The following AUTS2 variants were observed in gnomAD, a reference collection of about 807,000 sequenced individuals.
AUTS2 encodes activator of transcription and developmental regulator AUTS2, also known as autism susceptibility gene 2 protein.
Under a neutral mutation model 112.4 loss-of-function variants are expected in AUTS2, and 17 were observed. That is an observed-to-expected ratio of 0.15 (90% CI 0.10 to 0.23). The LOEUF (loss-of-function observed/expected upper bound fraction) is 0.23. Ranked by LOEUF, AUTS2 falls within the 10% of genes least tolerant of loss-of-function variation. The probability of loss-of-function intolerance (pLI) is 1.00; values close to 1 mark genes in which losing one functional copy is unlikely to be tolerated. For missense variants in AUTS2, 1,510 were observed against 1,701.6 expected, an observed-to-expected ratio of 0.89 and a Z score of 1.98; for synonymous variants, 751 against 702.7, an observed-to-expected ratio of 1.07 and a Z score of -1.09.
intron 5 of AUTS2, among the ~76,000 whole-genome samples, chr7:70,471,296 GA>G (rs746539207): frequency 1.7e-4 from 25 of 151,452 alleles, no homozygotes; most frequent in African/African-American, 4.8e-4. Flanking sequence ...AAGAAAAGGG[GA>G]AAAAAAAGGC....
chr7:69,677,907 G>T (rs1460385921), intron 1 of AUTS2, among the ~76,000 whole-genome samples: 1 of 152,174 alleles, frequency 6.6e-6, no homozygotes, highest in African/African-American at 2.4e-5. Context: ...AATGGGCTGA[G>T]ATTCTATTTT....
intron 1 of AUTS2, among the ~76,000 whole-genome samples, chr7:69,855,477 G>C (rs1286567142): frequency 6.6e-6 from 1 of 152,086 alleles, no homozygotes; most frequent in Non-Finnish European, 1.5e-5. Context: ...CCTTGTTACT[G>C]TATCCTCTGG....
rs561082959 is a variant in AUTS2, at chr7:70,709,076, C to T, written c.742+10456C>T. ...GGGATTACAGGTGCCCGCCACCACG[C>T]CTCGCTAATTTTTTGTATTTGTAGT... On this transcript the variant is annotated intron_variant, in intron 6 of 18. Transcript: ENST00000342771. Among the ~76,000 whole-genome samples, 9 of 151,974 alleles carry T rather than the reference C, an allele frequency of 5.9e-5. No individual in the cohort carries two copies. The South Asian group carries it at 1.7e-3, about 28-fold the overall frequency.
At chr7:69,978,772 G>C (rs896407974) in intron 2 of AUTS2, among the ~76,000 whole-genome samples, 1 of 151,822 alleles carries the variant, frequency 6.6e-6, no homozygotes, top group Non-Finnish European at 1.5e-5. Context: ...CATGAGCTCA[G>C]GAGATTGAGG....
At chr7:70,172,162 C>T (rs1024085455) in intron 4 of AUTS2, among the ~76,000 whole-genome samples, 3 of 152,134 alleles carry the variant, frequency 2.0e-5, no homozygotes, top group African/African-American at 7.2e-5. Flanking sequence ...TGCAAACTTC[C>T]TATATGGCCA....
chr7:70,490,438 G>T (rs775211512), intron 5 of AUTS2, among the ~76,000 whole-genome samples: 8 of 151,860 alleles, frequency 5.3e-5, no homozygotes, highest in Non-Finnish European at 1.0e-4. Context: ...GGGTTTGTGG[G>T]GTGGAGAGAA....
chr7:69,952,407 T>C (rs972346201), intron 2 of AUTS2, among the ~76,000 whole-genome samples: 1 of 152,148 alleles, frequency 6.6e-6, no homozygotes, highest in Admixed American at 6.6e-5. Flanking sequence ...GTTTGGGCAA[T>C]TTTGAGGGAG....
intron 2 of AUTS2, among the ~76,000 whole-genome samples, chr7:70,065,731 G>A (rs1194889382): frequency 6.6e-6 from 1 of 151,876 alleles, no homozygotes; most frequent in African/African-American, 2.4e-5. Context: ...TTTTTAATAG[G>A]GTCCCACCCT....
At chr7:70,232,016 G>T (rs556180745) in intron 4 of AUTS2, among the ~76,000 whole-genome samples, 30 of 151,890 alleles carry the variant, frequency 2.0e-4, no homozygotes, top group Non-Finnish European at 4.0e-4. Flanking sequence ...CTCATGATCC[G>T]CCCACCTCAG....
intron 4 of AUTS2, among the ~76,000 whole-genome samples, chr7:70,250,824 A>G (rs1786552397): frequency 6.6e-6 from 1 of 152,220 alleles, no homozygotes; most frequent in South Asian, 2.1e-4. Flanking sequence ...AACAACACAC[A>G]GACACTAGGA....
intron 5 of AUTS2, among the ~76,000 whole-genome samples, chr7:70,530,942 A>G (rs1800058587): frequency 1.3e-5 from 2 of 152,128 alleles, no homozygotes; most frequent in Admixed American, 1.3e-4. Context: ...GATGCCCTCT[A>G]AGGGACCCAG....
intron 1 of AUTS2, among the ~76,000 whole-genome samples, chr7:69,613,418 C>T (rs1793149796): frequency 6.6e-6 from 1 of 152,104 alleles, no homozygotes; most frequent in South Asian, 2.1e-4. Context: ...GTTGTTTTTT[C>T]TCTGTTTCAC....
At chr7:70,616,904 A>G (rs573097237) in intron 5 of AUTS2, among the ~76,000 whole-genome samples, 8 of 152,278 alleles carry the variant, frequency 5.3e-5, no homozygotes, top group African/African-American at 1.9e-4. Context: ...AAGAATTTTC[A>G]TTAGCAGAAA....
chr7:70,023,102 C>A (rs891384402), intron 2 of AUTS2, among the ~76,000 whole-genome samples: 7 of 152,158 alleles, frequency 4.6e-5, no homozygotes, highest in African/African-American at 1.4e-4. Context: ...GCCTCAGCCT[C>A]CCAAAGTGTT....
intron 5 of AUTS2, among the ~76,000 whole-genome samples, chr7:70,606,007 A>G (rs961698278): frequency 5.9e-5 from 9 of 152,244 alleles, no homozygotes; most frequent in Admixed American, 4.6e-4. Flanking sequence ...CCTTAGGGTC[A>G]TAGCAAGCCT....
chr7:70,014,687 C>T (rs1768188740), intron 2 of AUTS2, among the ~76,000 whole-genome samples: 1 of 152,194 alleles, frequency 6.6e-6, no homozygotes, highest in Non-Finnish European at 1.5e-5. Context: ...TGTGCATTCA[C>T]GTAGACATGC....
At position 70,128,678 on chromosome 7, in the gene AUTS2, AG is replaced by A. The variant is rs371659583; in HGVS notation, c.625-5856del. Among the ~76,000 whole-genome samples the A allele has an allele frequency of 8.6e-3, 1,315 of 152,348 alleles. 11 individuals are homozygous for A. Among genetic ancestry groups the A allele is most frequent in the Middle Eastern group, 0.02 (6 of 294 alleles). ...AACACGTAACTTCTAGCCCATGCTAAGGAGGCTGGGTGTTGTATTAATTTCC... is the reference window on the plus strand; with the variant it reads ...AACACGTAACTTCTAGCCCATGCTAAGAGGCTGGGTGTTGTATTAATTTCC... On this transcript the variant is annotated intron_variant, in intron 3 of 18. Coordinates refer to ENST00000342771, the MANE Select transcript of AUTS2 (RefSeq NM_015570.4).
chr7:69,945,915 C>T (rs1273520831), intron 2 of AUTS2, among the ~76,000 whole-genome samples: 1 of 152,124 alleles, frequency 6.6e-6, no homozygotes, highest in Non-Finnish European at 1.5e-5. Context: ...TGGCTCACGG[C>T]AGCCTTGACT....
intron 1 of AUTS2, among the ~76,000 whole-genome samples, chr7:69,659,408 ATTAAATAAT>A (rs1795683338): frequency 6.6e-6 from 1 of 150,448 alleles, no homozygotes; most frequent in South Asian, 2.1e-4. Flanking sequence ...TTTTTCTCTT[ATTAAATAAT>A]TTAAAGGGAT....
Sources: allele counts gnomAD v4.1 joint callset (sites outside exome capture counted in the v4.1 genomes callset), GRCh38; gene constraint gnomAD v4.1.1; transcripts MANE v1.5; gene names NCBI Gene and HGNC (gene_info 2026-07-23, HGNC 2026-07-21).